The following SOX5 variants were observed in gnomAD, a reference collection of about 807,000 sequenced individuals.
SOX5 encodes the protein transcription factor SOX-5.
In SOX5, 9 loss-of-function variants were observed where a neutral mutation model predicts 92.0. That is an observed-to-expected ratio of 0.10 (90% CI 0.06 to 0.17). The LOEUF is 0.17. Ranked by LOEUF, SOX5 falls within the 10% of genes least tolerant of loss-of-function variation. SOX5 has a pLI of 1.00. For missense variants in SOX5, 642 were observed against 944.5 expected, an observed-to-expected ratio of 0.68 and a Z score of 4.20; for synonymous variants, 344 against 336.3, an observed-to-expected ratio of 1.02 and a Z score of -0.25.
intron 3 of SOX5, among the ~76,000 whole-genome samples, chr12:23,802,921 T>C (rs1169195015): frequency 6.6e-6 from 1 of 152,180 alleles, no homozygotes; most frequent in African/African-American, 2.4e-5. Context: ...AATATTAAAT[T>C]GTTAAGCATT....
chr12:23,816,755 G>T (rs745772857), intron 3 of SOX5, among the ~76,000 whole-genome samples: 1 of 152,162 alleles, frequency 6.6e-6, no homozygotes, highest in Non-Finnish European at 1.5e-5. Context: ...AGTGGGACTG[G>T]AGAGTTACAC....
chr12:24,028,886 C>T (rs1955179890), intron 4 of SOX5, among the ~76,000 whole-genome samples: 1 of 151,886 alleles, frequency 6.6e-6, no homozygotes, highest in Non-Finnish European at 1.5e-5. Flanking sequence ...GGTTTTGTTT[C>T]TGAAAACAGT....
intron 4 of SOX5, among the ~76,000 whole-genome samples, chr12:24,095,150 G>GAGACAGAGAC (rs1945234576): frequency 6.7e-6 from 1 of 149,718 alleles, no homozygotes; most frequent in East Asian, 1.9e-4. Context: ...GAGAGAGAGA[G>GAGACAGAGAC]AGAGAGACAG....
At chr12:23,613,146 G>A (rs2076160393) in intron 8 of SOX5, among the ~76,000 whole-genome samples, 1 of 152,086 alleles carries the variant, frequency 6.6e-6, no homozygotes, top group African/African-American at 2.4e-5. Flanking sequence ...TGAATACCAG[G>A]ACAGAAGTAC....
At chr12:24,240,383 A>G (rs1965343076) in intron 3 of SOX5, among the ~76,000 whole-genome samples, 1 of 152,198 alleles carries the variant, frequency 6.6e-6, no homozygotes, top group Non-Finnish European at 1.5e-5. Context: ...GTTGCAATAT[A>G]TTCTGTAAAA....
intron 1 of SOX5, among the ~76,000 whole-genome samples, chr12:24,505,611 G>A (rs1368051787): frequency 6.6e-6 from 1 of 152,196 alleles, no homozygotes; most frequent in African/African-American, 2.4e-5. Flanking sequence ...ACTCACCACT[G>A]TTGCACAGCT....
At chr12:23,913,934 T>G (rs74770273) in intron 1 of SOX5, among the ~76,000 whole-genome samples, 2,754 of 152,234 alleles carry the variant, frequency 0.018, 89 homozygotes, top group African/African-American at 0.062. Flanking sequence ...ATCCAATAGC[T>G]TAGTCTATAG....
Position 23,755,681 on chromosome 12 carries a change from G to C in SOX5, c.525C>G (p.Asp175Glu). The stretch of plus-strand genomic sequence containing the variant: ...TCCCCGATCCCATTGCAAGAAGCTT[G>C]TCTTTCCAGTCCTTTGAGAGTAGTT... ...IEKLLSKDWK[D>E]KLLAMGSGNF... Residue 175 changes from aspartate to glutamate, a missense_variant, in exon 4 of 15, where the codon GAC becomes GAG. Asp to Glu is a conservative substitution (Grantham distance 45). Coordinates refer to ENST00000451604, the MANE Select transcript of SOX5 (RefSeq NM_006940.6). 3 of 1,590,694 alleles carry C rather than the reference G, an allele frequency of 1.9e-6. No homozygotes were observed. Among genetic ancestry groups the C allele is most frequent in the Non-Finnish European group, 2.6e-6 (3 of 1,169,746 alleles).
chr12:24,032,112 C>T (rs1296888358), intron 4 of SOX5, among the ~76,000 whole-genome samples: 1 of 151,724 alleles, frequency 6.6e-6, no homozygotes, highest in African/African-American at 2.4e-5. Flanking sequence ...AGTAAGTAGA[C>T]TGGATTTGGT....
intron 1 of SOX5, among the ~76,000 whole-genome samples, chr12:24,424,271 T>C (rs1360943426): frequency 1.3e-5 from 2 of 152,200 alleles, no homozygotes; most frequent in South Asian, 2.1e-4. Flanking sequence ...TTCATTTGCA[T>C]AGTAATAACC....
intron 3 of SOX5, among the ~76,000 whole-genome samples, chr12:23,792,851 T>C (rs1225657638): frequency 1.3e-5 from 2 of 152,082 alleles, no homozygotes; most frequent in Non-Finnish European, 1.5e-5. Flanking sequence ...TTTACTGTCC[T>C]GGATGAACAG....
At chr12:24,359,039 T>C (rs566655970) in intron 2 of SOX5, among the ~76,000 whole-genome samples, 3 of 152,332 alleles carry the variant, frequency 2.0e-5, no homozygotes, top group Admixed American at 6.5e-5. Context: ...CACCATGCTT[T>C]GAACCCCAGA....
At chr12:24,080,674 G>C (rs1029607684) in intron 4 of SOX5, among the ~76,000 whole-genome samples, 4 of 151,770 alleles carry the variant, frequency 2.6e-5, no homozygotes, top group Non-Finnish European at 5.9e-5. Flanking sequence ...AGTCACTTTG[G>C]TTCCAAAATA....
intron 4 of SOX5, among the ~76,000 whole-genome samples, chr12:23,975,279 A>G (rs997914573): frequency 4.0e-4 from 61 of 152,292 alleles, no homozygotes; most frequent in African/African-American, 1.5e-3. Context: ...CCTCGATACT[A>G]TAACAATAAA....
chr12:24,231,610 T>C (rs1380395750), intron 3 of SOX5, among the ~76,000 whole-genome samples: 2 of 152,188 alleles, frequency 1.3e-5, no homozygotes, highest in Non-Finnish European at 2.9e-5. Flanking sequence ...TCTCTACACA[T>C]ATACTCACAA....
intron 4 of SOX5, among the ~76,000 whole-genome samples, chr12:24,031,159 A>C (rs1955462261): frequency 1.3e-5 from 2 of 151,690 alleles, no homozygotes; most frequent in South Asian, 4.2e-4. Flanking sequence ...TTAAAAATTA[A>C]AAATAGAACT....
chr12:24,537,122 T>C (rs1951708646), intron 1 of SOX5, among the ~76,000 whole-genome samples: 1 of 152,232 alleles, frequency 6.6e-6, no homozygotes, highest in South Asian at 2.1e-4. Flanking sequence ...AAAATGTAAT[T>C]CCTCAAATTG....
chr12:24,465,451 C>T (rs1944120962), intron 1 of SOX5, among the ~76,000 whole-genome samples: 1 of 152,050 alleles, frequency 6.6e-6, no homozygotes, highest in Admixed American at 6.5e-5. Context: ...TTAAGCAGTC[C>T]AGGTTCTGTT....
intron 10 of SOX5, among the ~76,000 whole-genome samples, chr12:23,565,121 T>C (rs1469399875): frequency 6.6e-6 from 1 of 152,194 alleles, no homozygotes; most frequent in African/African-American, 2.4e-5. Flanking sequence ...GAACAAAACA[T>C]CTCTGCTCAT....
Sources: gnomAD v4.1 joint callset for allele counts (sites outside exome capture counted in the v4.1 genomes callset) on GRCh38, gnomAD v4.1.1 for gene constraint, MANE v1.5 for transcripts, NCBI Gene and HGNC (gene_info 2026-07-23, HGNC 2026-07-21) for gene names.